The following ERBB4 variants were observed in gnomAD, a reference collection of about 807,000 sequenced individuals.
ERBB4 encodes receptor tyrosine-protein kinase erbB-4.
A neutral mutation model predicts 158.0 loss-of-function variants in ERBB4; 42 were observed. The ratio of observed to expected loss-of-function variants is 0.27; its 90% CI spans 0.21 to 0.34. ERBB4 has a LOEUF of 0.34. Ranked by LOEUF, ERBB4 falls within the 10% of genes least tolerant of loss-of-function variation. ERBB4 has a pLI of 1.00. For synonymous variants in ERBB4, 583 were observed against 558.7 expected, an observed-to-expected ratio of 1.04 and a Z score of -0.61; for missense variants, 1,333 against 1,624.1, an observed-to-expected ratio of 0.82 and a Z score of 3.08.
intron 1 of ERBB4, among the ~76,000 whole-genome samples, chr2:212,254,327 G>T (rs1392696383): frequency 1.3e-5 from 2 of 152,132 alleles, no homozygotes; most frequent in Non-Finnish European, 2.9e-5. Flanking sequence ...AAGGAATGAA[G>T]ATTAAGTTAA....
Position 211,420,477 on chromosome 2 carries a change from G to A in ERBB4, c.3099C>T (p.Pro1033=), listed in dbSNP as rs140952815. The A allele has an allele frequency of 7.4e-6, 12 of 1,612,064 alleles. No homozygotes were observed. In the African/African-American group the frequency reaches 1.6e-4, roughly 22 times the overall value. The change falls in exon 25 of 28, where the codon CCC becomes CCT. Residue 1033 remains proline, a synonymous_variant. Transcript: ENST00000342788. ...CAATTCTTGCTCTGGAAGTATAGAT[G>A]GGAGGTGGGATGTTGAAAGCCTGAG... ...LVPQAFNIPP[P]IYTSRARIDS...
chr2:211,946,102 C>T (rs1215188803), intron 3 of ERBB4, among the ~76,000 whole-genome samples: 1 of 151,862 alleles, frequency 6.6e-6, no homozygotes, highest in Non-Finnish European at 1.5e-5. Context: ...AGTAAGAAAA[C>T]TATCTTTGAA....
intron 20 of ERBB4, among the ~76,000 whole-genome samples, chr2:211,480,350 G>A (rs531636858): frequency 1.2e-4 from 18 of 152,246 alleles, no homozygotes; most frequent in African/African-American, 4.1e-4. Context: ...GAGGGACCTG[G>A]TGAGAGGTGA....
At chr2:211,449,669 A>G (rs2064195323) in intron 20 of ERBB4, among the ~76,000 whole-genome samples, 2 of 152,196 alleles carry the variant, frequency 1.3e-5, no homozygotes, top group Admixed American at 6.5e-5. Flanking sequence ...AAGTTATAAA[A>G]CATAAAGTTG....
At chr2:211,678,606 C>T (rs1318622598) in intron 13 of ERBB4, among the ~76,000 whole-genome samples, 1 of 152,084 alleles carries the variant, frequency 6.6e-6, no homozygotes, top group Non-Finnish European at 1.5e-5. Context: ...TGTGTTGTCT[C>T]CTTTATGCAA....
intron 2 of ERBB4, among the ~76,000 whole-genome samples, chr2:212,012,147 T>C (rs113616110): frequency 0.012 from 1,888 of 152,350 alleles, 13 homozygotes; most frequent in Non-Finnish European, 0.021. Flanking sequence ...ACTCAAATTG[T>C]CTTATCTCTA....
At chr2:212,310,990 T>C (rs1228970777) in intron 1 of ERBB4, among the ~76,000 whole-genome samples, 1 of 150,852 alleles carries the variant, frequency 6.6e-6, no homozygotes, top group Non-Finnish European at 1.5e-5. Context: ...ATGTAAAGCA[T>C]AGCCTGTTTT....
At chr2:212,387,245 T>A (rs1017782414) in intron 1 of ERBB4, among the ~76,000 whole-genome samples, 8 of 152,112 alleles carry the variant, frequency 5.3e-5, no homozygotes, top group Non-Finnish European at 1.2e-4. Context: ...GAACTATAAA[T>A]AAACCCTTAG....
chr2:211,815,798 T>A (rs6757087), intron 3 of ERBB4, among the ~76,000 whole-genome samples: 3 of 151,940 alleles, frequency 2.0e-5, no homozygotes, highest in East Asian at 1.9e-4. Context: ...TATAATCATC[T>A]GCCAGCGCAG....
At chr2:212,195,394 G>C (rs1291168852) in intron 1 of ERBB4, among the ~76,000 whole-genome samples, 1 of 151,850 alleles carries the variant, frequency 6.6e-6, no homozygotes, top group Non-Finnish European at 1.5e-5. Context: ...TACTTAATCT[G>C]CTACTTATAG....
chr2:211,578,591 G>A (rs1286514662), intron 19 of ERBB4, among the ~76,000 whole-genome samples: 2 of 152,124 alleles, frequency 1.3e-5, no homozygotes, highest in African/African-American at 4.8e-5. Flanking sequence ...GTATAGTACT[G>A]TTACAAAAAC....
At chr2:211,653,485 C>CT (rs2071086403) in intron 16 of ERBB4, among the ~76,000 whole-genome samples, 1 of 148,468 alleles carries the variant, frequency 6.7e-6, no homozygotes, top group Non-Finnish European at 1.5e-5. Context: ...CCGCCCCCCC[C>CT]CACGCCCGCC....
intron 4 of ERBB4, among the ~76,000 whole-genome samples, chr2:211,769,584 A>C (rs530941406): frequency 4.6e-5 from 7 of 152,348 alleles, no homozygotes; most frequent in African/African-American, 1.7e-4. Context: ...ATTGAGAATC[A>C]AGGATCCCAG....
chr2:212,182,534 G>C (rs2081900111), intron 1 of ERBB4, among the ~76,000 whole-genome samples: 1 of 151,768 alleles, frequency 6.6e-6, no homozygotes, highest in African/African-American at 2.4e-5. Context: ...TCACTGTCAG[G>C]TTTGTAGGTG....
chr2:212,324,240 G>A lies in ERBB4; in HGVS notation c.83-199337C>T, dbSNP rs1189357495. ...AGTTAAGCCTCTAGAAAAGTAACCC[G>A]TATTACTCTAAACTTCCTGTTATAT... On this transcript the variant is annotated intron_variant, in intron 1 of 27. Transcript: ENST00000342788. Among the ~76,000 whole-genome samples the A allele has an allele frequency of 2.7e-5, 4 of 150,420 alleles. 1 individual carries two copies. Among genetic ancestry groups the A allele is most frequent in the Admixed American group, 1.3e-4 (2 of 15,094 alleles).
intron 3 of ERBB4, among the ~76,000 whole-genome samples, chr2:211,813,033 G>A (rs191039722): frequency 4.7e-4 from 72 of 152,244 alleles, no homozygotes; most frequent in African/African-American, 1.1e-3. Flanking sequence ...GTTCCAGCTC[G>A]CCCTCTGTGG....
At chr2:211,611,990 A>G (rs938604790) in intron 19 of ERBB4, among the ~76,000 whole-genome samples, 11 of 152,164 alleles carry the variant, frequency 7.2e-5, no homozygotes, top group Admixed American at 3.3e-4. Flanking sequence ...TTCAGAGGGT[A>G]CATGAATACC....
intron 1 of ERBB4, among the ~76,000 whole-genome samples, chr2:212,448,862 T>C (rs371571308): frequency 2.6e-5 from 4 of 152,172 alleles, no homozygotes; most frequent in Admixed American, 2.0e-4. Context: ...CTGGAGGTTT[T>C]AGTTTCATCC....
chr2:211,684,623 T>C (rs889507891), intron 12 of ERBB4, among the ~76,000 whole-genome samples: 7 of 152,200 alleles, frequency 4.6e-5, no homozygotes, highest in Admixed American at 3.3e-4. Flanking sequence ...TAGTTCTCCT[T>C]AACTGCTCTA....
Sources: allele counts gnomAD v4.1 joint callset (sites outside exome capture counted in the v4.1 genomes callset), GRCh38; gene constraint gnomAD v4.1.1; transcripts MANE v1.5; gene names NCBI Gene and HGNC (gene_info 2026-07-23, HGNC 2026-07-21).